HIVEP2: variants seen among roughly 807,000 people sequenced by gnomAD.
The protein encoded by HIVEP2 is HIVEP zinc finger 2, also known as transcription factor HIVEP2.
Under a neutral mutation model 180.7 loss-of-function variants are expected in HIVEP2, and 14 were observed. That is an observed-to-expected ratio of 0.08 (90% CI 0.05 to 0.12). The LOEUF is 0.12. HIVEP2 is among the 10% of genes least tolerant of loss of function. The pLI is 1.00. For missense variants in HIVEP2, 2,579 were observed against 3,008.5 expected, an observed-to-expected ratio of 0.86 and a Z score of 3.34; for synonymous variants, 1,184 against 1,136.4, an observed-to-expected ratio of 1.04 and a Z score of -0.84.
intron 1 of HIVEP2, among the ~76,000 whole-genome samples, chr6:142,904,706 C>T (rs1043796494): frequency 2.0e-5 from 3 of 152,126 alleles, no homozygotes; most frequent in Admixed American, 2.0e-4. Flanking sequence ...AACAAAGGAA[C>T]ATAAGAATAT....
At chr6:142,931,942 C>T (rs1477101302) in intron 1 of HIVEP2, among the ~76,000 whole-genome samples, 3 of 152,168 alleles carry the variant, frequency 2.0e-5, no homozygotes, top group Admixed American at 2.0e-4. Context: ...TTTATGCTTC[C>T]CTCAAATGAA....
At chr6:142,939,864 C>T (rs1458112732) in intron 1 of HIVEP2, among the ~76,000 whole-genome samples, 1 of 152,058 alleles carries the variant, frequency 6.6e-6, no homozygotes, top group Non-Finnish European at 1.5e-5. Context: ...ATTGAATCTC[C>T]TACATTATAT....
At chr6:142,847,036 T>C (rs901410466) in intron 1 of HIVEP2, among the ~76,000 whole-genome samples, 1 of 152,112 alleles carries the variant, frequency 6.6e-6, no homozygotes, top group Non-Finnish European at 1.5e-5. Flanking sequence ...CAGTTTTCCT[T>C]TCAGAGGAAA....
chr6:142,766,206 G>A (rs764496185), intron 6 of HIVEP2, among the ~76,000 whole-genome samples: 1 of 152,120 alleles, frequency 6.6e-6, no homozygotes, highest in Non-Finnish European at 1.5e-5. Context: ...ACTCTGTTAC[G>A]GATTCACATC....
intron 1 of HIVEP2, among the ~76,000 whole-genome samples, chr6:142,872,021 T>G (rs140426623): frequency 2.6e-5 from 4 of 152,274 alleles, no homozygotes; most frequent in African/African-American, 9.6e-5. Flanking sequence ...CTGTGGTGTC[T>G]TCTGAATCAC....
chr6:142,775,179 CA>C (rs35710932), intron 4 of HIVEP2, 54 bp from the exon 5 acceptor site: 155,687 of 320,172 alleles, frequency 0.49, 26,602 homozygotes, highest in African/African-American at 0.67. Flanking sequence ...AATAAGAAAC[CA>C]AAAAAAAAAA....
chr6:142,879,450 G>A (rs149533990), intron 1 of HIVEP2, among the ~76,000 whole-genome samples: 31 of 152,188 alleles, frequency 2.0e-4, no homozygotes, highest in East Asian at 1.4e-3. Flanking sequence ...CTGAGCTCCC[G>A]TTATAATAAA....
intron 1 of HIVEP2, among the ~76,000 whole-genome samples, chr6:142,909,988 G>T (rs1777363737): frequency 6.6e-6 from 1 of 152,150 alleles, no homozygotes; most frequent in Non-Finnish European, 1.5e-5. Context: ...CTTTCAGGCT[G>T]TCAGTGATTA....
intron 1 of HIVEP2, among the ~76,000 whole-genome samples, chr6:142,879,824 G>T (rs2128415887): frequency 6.6e-6 from 1 of 152,138 alleles, no homozygotes; most frequent in East Asian, 1.9e-4. Flanking sequence ...CTCACCCACA[G>T]GCTGCGTTCT....
intron 2 of HIVEP2, among the ~76,000 whole-genome samples, chr6:142,834,885 TAA>T (rs1236757038): frequency 6.6e-6 from 1 of 152,144 alleles, no homozygotes; most frequent in Non-Finnish European, 1.5e-5. Flanking sequence ...GGTTCACTGA[TAA>T]AGTCACTAAG....
At chr6:142,864,234 A>T (rs1776077817) in intron 1 of HIVEP2, among the ~76,000 whole-genome samples, 1 of 151,822 alleles carries the variant, frequency 6.6e-6, no homozygotes, top group Admixed American at 6.6e-5. Flanking sequence ...CTCCTGCTCA[A>T]CTCCCAGTCC....
chr6:142,788,725 CAACAAACA>C (rs113577368), intron 2 of HIVEP2, among the ~76,000 whole-genome samples: 2 of 151,144 alleles, frequency 1.3e-5, no homozygotes, highest in Non-Finnish European at 3.0e-5. Context: ...AAAACAACAA[CAACAAACA>C]AACAAACAAA....
Position 142,759,992 on chromosome 6 carries a change from T to A in HIVEP2, c.6296A>T (p.Glu2099Val). The A allele has an allele frequency of 6.2e-7, 1 of 1,614,026 alleles. No individual in the cohort carries two copies. The highest frequency in any genetic ancestry group is 8.5e-7 in the Non-Finnish European group (1 of 1,179,958). The change falls in exon 9 of 10, where the codon GAG (glutamate) becomes GTG (valine). Residue 2099 changes from glutamate to valine, a missense_variant. By Grantham distance (121) the Glu-to-Val change is moderately radical (BLOSUM62 -2). Around this residue, in one of 11 missense-constraint regions of HIVEP2, gnomAD observed 660 missense variants for 731.7 expected, o/e 0.90. Coordinates refer to ENST00000367603, the MANE Select transcript of HIVEP2 (RefSeq NM_006734.4). ...SPRKEAALRR[E>V]MSQRDVSPRR... ...TGGTGAAACATCTCTTTGGGACATC[T>A]CTCTTCTCAATGCAGCTTCCTTTCT...
chr6:142,880,467 G>GT (rs1432099495), intron 1 of HIVEP2, among the ~76,000 whole-genome samples: 1 of 152,140 alleles, frequency 6.6e-6, no homozygotes, highest in Non-Finnish European at 1.5e-5. Context: ...AGTCACCAGC[G>GT]TGTCCTACAT....
chr6:142,770,248 T>A lies in HIVEP2; in HGVS notation c.4491A>T (p.Arg1497=), dbSNP rs749798516. The A allele has an allele frequency of 1.2e-6, 2 of 1,614,218 alleles. No homozygotes were observed. The highest frequency in any genetic ancestry group is 3.3e-5 in the Admixed American group (2 of 60,030). ...LSRPQKPQLV[R]QGCASEPKDG... is the part of the protein sequence containing the mutation. ...CTTTTGGCTCAGAAGCACATCCTTG[T>A]CGAACCAGCTGGGGTTTCTGGGGGC... Residue 1497 remains arginine (R), a synonymous_variant, in exon 5 of 10, where the codon CGA becomes CGT. Transcript: ENST00000367603. This position sits in a 1 kb window ranked among gnomAD's most constrained non-coding sequence, Gnocchi z 4.7.
intron 1 of HIVEP2, among the ~76,000 whole-genome samples, chr6:142,868,588 T>C (rs1471943152): frequency 6.6e-6 from 1 of 152,106 alleles, no homozygotes; most frequent in African/African-American, 2.4e-5. Flanking sequence ...GCAATTAAAC[T>C]TTTCAGTATG....
intron 2 of HIVEP2, among the ~76,000 whole-genome samples, chr6:142,789,722 A>G (rs1014707983): frequency 1.3e-5 from 2 of 152,308 alleles, no homozygotes; most frequent in East Asian, 3.9e-4. Context: ...TTCAAAGTTT[A>G]TTTATCTAAC....
chr6:142,893,689 C>G (rs1776914684), intron 1 of HIVEP2, among the ~76,000 whole-genome samples: 1 of 152,200 alleles, frequency 6.6e-6, no homozygotes, highest in South Asian at 2.1e-4. Flanking sequence ...GAACAACCCT[C>G]TATTCTATCC....
chr6:142,833,575 A>C (rs1274586100), intron 2 of HIVEP2, among the ~76,000 whole-genome samples: 1 of 152,258 alleles, frequency 6.6e-6, no homozygotes, highest in Non-Finnish European at 1.5e-5. Context: ...GTTAATACTT[A>C]CTGATGGAAT....
Sources: allele counts gnomAD v4.1 joint callset (sites outside exome capture counted in the v4.1 genomes callset), GRCh38; gene constraint gnomAD v4.1.1; regional missense constraint gnomAD v4.1.1; non-coding constraint Gnocchi (gnomAD v3.1); transcripts MANE v1.5; gene names NCBI Gene and HGNC (gene_info 2026-07-23, HGNC 2026-07-21).